Variants in RBPMS observed in about 807,000 individuals in gnomAD.
The protein encoded by RBPMS is RNA binding protein, mRNA processing factor.
In RBPMS, 7 loss-of-function variants were observed where a neutral mutation model predicts 26.8. The observed-to-expected ratio is 0.26, with a 90% CI of 0.15 to 0.49. The LOEUF is 0.49. Among genes scored for constraint, RBPMS ranks in the 20% least tolerant of loss-of-function variants. The pLI, the probability that RBPMS is intolerant of heterozygous loss-of-function variation, is 0.98. For missense variants in RBPMS, 186 were observed against 250.0 expected (o/e 0.74, Z 1.73); for synonymous variants, 96 against 93.3 (o/e 1.03, Z -0.17).
At chr8:30,551,477 G>A (rs917119873) in intron 6 of RBPMS, among the ~76,000 whole-genome samples, 1 of 152,166 alleles carries the variant, frequency 6.6e-6, no homozygotes. Flanking sequence ...CCTCCTGACT[G>A]GGGGCACCAT....
chr8:30,446,867 G>A (rs975312221), intron 1 of RBPMS: 1 of 150,918 alleles, frequency 6.6e-6, no homozygotes, highest in Non-Finnish European at 1.5e-5. Context: ...GCGGTGGAGG[G>A]TAGTGGGGTA....
rs1444882590 is a variant in RBPMS, at chr8:30,571,042, C to A, written c.*517C>A. On this transcript the variant is annotated 3_prime_UTR_variant, in exon 9 of 9. Coordinates refer to ENST00000397323, the MANE Select transcript of RBPMS (RefSeq NM_001008710.3). Reference sequence around the variant, plus strand: ...ATGTTTCCAAATATTATCAAAATATCCTGAATTGTATTGTGAATATATAGA... The same window carrying A: ...ATGTTTCCAAATATTATCAAAATATACTGAATTGTATTGTGAATATATAGA... 1 of 152,110 alleles carries A rather than the reference C, an allele frequency of 6.6e-6. No individual in the cohort carries two copies. The highest frequency in any genetic ancestry group is 2.4e-5 in the African/African-American group (1 of 41,390). The allele number at this position is 152,110 out of a possible 1,614,324, so 9.4% of individuals were successfully genotyped here.
intron 1 of RBPMS, among the ~76,000 whole-genome samples, chr8:30,432,974 G>T (rs1268815027): frequency 1.3e-5 from 2 of 152,144 alleles, no homozygotes; most frequent in African/African-American, 4.8e-5. Flanking sequence ...ACTTGAGTAC[G>T]TTCAACTGAA....
intron 5 of RBPMS, among the ~76,000 whole-genome samples, chr8:30,519,229 G>A (rs1018059411): frequency 6.6e-6 from 1 of 151,918 alleles, no homozygotes; most frequent in Non-Finnish European, 1.5e-5. Flanking sequence ...TCTCATACTG[G>A]TAAATATACC....
intron 7 of RBPMS, 40 bp from the exon 8 acceptor site, chr8:30,566,217 T>C (rs1477274986): frequency 6.1e-6 from 6 of 981,204 alleles, no homozygotes; most frequent in Non-Finnish European, 7.3e-6. Flanking sequence ...CAGGTGGAGG[T>C]TACTGTGCAC....
rs561300895 is a variant in RBPMS at position 30,463,889 on chromosome 8, C to CTG, written c.67-10888_67-10887dup. ...ACTCACAAGGTTTGGTGGCCCAAGC[C>CTG]TGTAATCCCAGGACTTGGGGAGGTG... On this transcript the variant is annotated intron_variant, in intron 1 of 8. Coordinates refer to ENST00000397323, the MANE Select transcript of RBPMS (RefSeq NM_001008710.3). Among the ~76,000 whole-genome samples, 230 of 152,332 alleles carry CTG rather than the reference C, an allele frequency of 1.5e-3. 1 individual carries two copies. The highest frequency in any genetic ancestry group is 7.5e-3 in the South Asian group (36 of 4,832).
chr8:30,486,087 C>G (rs907628601), intron 4 of RBPMS, among the ~76,000 whole-genome samples: 1 of 152,176 alleles, frequency 6.6e-6, no homozygotes, highest in Non-Finnish European at 1.5e-5. Context: ...TGGCTCACGA[C>G]TGTAAGCCCA....
chr8:30,568,712 TG>T (rs1828063426), intron 8 of RBPMS, among the ~76,000 whole-genome samples: 1 of 152,172 alleles, frequency 6.6e-6, no homozygotes. Context: ...CATCCCTCCG[TG>T]GGGCTGTGTT....
chr8:30,510,079 A>G (rs985133949), intron 5 of RBPMS, among the ~76,000 whole-genome samples: 1 of 152,226 alleles, frequency 6.6e-6, no homozygotes, highest in African/African-American at 2.4e-5. Flanking sequence ...GTGGCTCAGT[A>G]GGGCCGAAAA....
intron 5 of RBPMS, chr8:30,537,802 G>A (rs78759270): frequency 0.019 from 6,733 of 359,192 alleles, 224 homozygotes; most frequent in Admixed American, 0.068. Flanking sequence ...AGCTCCTACT[G>A]TTGTTACTAC....
chr8:30,495,378 A>G (rs940784442), intron 4 of RBPMS, among the ~76,000 whole-genome samples: 4 of 151,876 alleles, frequency 2.6e-5, no homozygotes, highest in African/African-American at 9.7e-5. Context: ...CAATTAGGCA[A>G]TCAAGCGAGA....
intron 1 of RBPMS, chr8:30,385,549 G>C (rs1424421746): frequency 3.9e-5 from 7 of 178,650 alleles, no homozygotes; most frequent in Non-Finnish European, 8.1e-5. Context: ...GCAGTTTAAG[G>C]AAGAAACTCG....
chr8:30,537,555 AG>A, intron 5 of RBPMS: 1 of 455,886 alleles, frequency 2.2e-6, no homozygotes, highest in Non-Finnish European at 4.4e-6. Flanking sequence ...GTCTTTACAT[AG>A]AGAATATGTC....
chr8:30,473,811 A>G (rs1316169352), intron 1 of RBPMS, among the ~76,000 whole-genome samples: 1 of 152,146 alleles, frequency 6.6e-6, no homozygotes, highest in African/African-American at 2.4e-5. Context: ...GGGTGGAACT[A>G]TAAGTCATCC....
At chr8:30,410,270 A>G (rs1454473633) in intron 1 of RBPMS, among the ~76,000 whole-genome samples, 1 of 151,732 alleles carries the variant, frequency 6.6e-6, no homozygotes, top group Non-Finnish European at 1.5e-5. Flanking sequence ...GCAGTGGTAC[A>G]ATCTCCGCTC....
Position 30,549,379 on chromosome 8 carries a change from ACAG to A in RBPMS, c.528+4757_528+4759del, listed in dbSNP as rs1585847238. The A allele has an allele frequency of 4.4e-5, 35 of 804,546 alleles. No individual in the cohort carries two copies. The East Asian group carries it at 8.6e-4, about 20-fold the overall frequency. The allele number at this position is 804,546 out of a possible 1,614,324, so 49.8% of individuals were successfully genotyped here. ...TGTGGCTGTGGCTATCCGGAAAACG[ACAG>A]CTTTGAAGGACTGCAGAGCTTGCCT... On this transcript the variant is annotated intron_variant, in intron 6 of 8. Coordinates refer to ENST00000397323, the MANE Select transcript of RBPMS (RefSeq NM_001008710.3).
At chr8:30,492,055 C>G (rs2150890686) in intron 4 of RBPMS, among the ~76,000 whole-genome samples, 1 of 152,250 alleles carries the variant, frequency 6.6e-6, no homozygotes, top group South Asian at 2.1e-4. Flanking sequence ...CCACGTCTGG[C>G]TAATTTTTGT....
intron 6 of RBPMS, among the ~76,000 whole-genome samples, chr8:30,552,150 C>T (rs145901310): frequency 7.9e-5 from 12 of 152,114 alleles, no homozygotes; most frequent in Non-Finnish European, 1.5e-4. Flanking sequence ...GAGAATGGTC[C>T]GTGGCTGTGG....
intron 1 of RBPMS, among the ~76,000 whole-genome samples, chr8:30,445,519 T>G (rs1405516545): frequency 6.6e-6 from 1 of 151,880 alleles, no homozygotes; most frequent in Non-Finnish European, 1.5e-5. Flanking sequence ...CCTATTAGTT[T>G]CTTTTAAAAA....
Sources: allele counts gnomAD v4.1 joint callset (sites outside exome capture counted in the v4.1 genomes callset), GRCh38; gene constraint gnomAD v4.1.1; transcripts MANE v1.5; gene names NCBI Gene and HGNC (gene_info 2026-07-23, HGNC 2026-07-21).